The following SLC16A1 variants were observed in gnomAD, a reference collection of about 807,000 sequenced individuals.
SLC16A1 encodes the protein solute carrier family 16 member 1, also known as monocarboxylate transporter 1.
In SLC16A1, 11 loss-of-function variants were observed where a neutral mutation model predicts 32.2. The ratio of observed to expected loss-of-function variants is 0.34; its 90% CI spans 0.21 to 0.56. The LOEUF (loss-of-function observed/expected upper bound fraction) is 0.56, where lower values mean the gene tolerates loss of function less well. Among genes scored for constraint, SLC16A1 ranks in the 20% least tolerant of loss-of-function variants. The pLI, the probability that SLC16A1 is intolerant of heterozygous loss-of-function variation, is 0.87. For synonymous variants in SLC16A1, 231 were observed against 226.8 expected, an observed-to-expected ratio of 1.02 and a Z score of -0.17; for missense variants, 435 against 615.0, an observed-to-expected ratio of 0.71 and a Z score of 3.10.
Position 112,914,095 on chromosome 1 carries a change from T to G in SLC16A1, c.1299A>C (p.Ser433=). ...CCATGCCAATGAAGAGATAGATACC[T>G]GAAATAATTAGGACGACGCCACATG... is the stretch of plus-strand genomic sequence containing the variant. ...YWACGVVLII[S]GIYLFIGMGI... Residue 433 remains serine, a synonymous_variant, in exon 5 of 5, where the codon TCA becomes TCC. Coordinates refer to ENST00000369626, the MANE Select transcript of SLC16A1 (RefSeq NM_003051.4). The G allele has an allele frequency of 2.5e-6, 4 of 1,614,216 alleles. No individual in the cohort carries two copies. The highest frequency in any genetic ancestry group is 2.2e-5 in the South Asian group (2 of 91,086).
intron 1 of SLC16A1, among the ~76,000 whole-genome samples, chr1:112,938,701 C>T (rs1347576715): frequency 6.6e-6 from 1 of 151,940 alleles, no homozygotes; most frequent in Non-Finnish European, 1.5e-5. Context: ...CTTGCTAACT[C>T]GAATGCTTAA....
Position 112,918,049 on chromosome 1 carries a change from G to A in SLC16A1, c.362-5C>T. 1 of 1,414,150 alleles carries A rather than the reference G, an allele frequency of 7.1e-7. No individual in the cohort carries two copies. Among genetic ancestry groups the A allele is most frequent in the East Asian group, 2.5e-5 (1 of 39,732 alleles). The allele number at this position is 1,414,150 out of a possible 1,614,324, so 87.6% of individuals were successfully genotyped here. On this transcript the variant is annotated splice_polypyrimidine_tract_variant and splice_region_variant and intron_variant, in intron 3 of 4. Transcript: ENST00000369626. ...AGTTGAAGGCAAGCCCAAGACCTGT[G>A]AAGACAATAAATAAATAAATAAATA...
intron 1 of SLC16A1, among the ~76,000 whole-genome samples, chr1:112,955,095 C>T (rs1650027784): frequency 6.6e-6 from 1 of 152,072 alleles, no homozygotes; most frequent in East Asian, 1.9e-4. Context: ...TTACTGTTAT[C>T]AGTAGCAGCC....
At chr1:112,914,215 T>C in intron 4 of SLC16A1, 50 bp from the exon 5 acceptor site, 1 of 1,605,938 alleles carries the variant, frequency 6.2e-7, no homozygotes, top group Non-Finnish European at 8.5e-7. Flanking sequence ...TAAACAGTTT[T>C]TTTTTCCCCC....
chr1:112,932,072 A>G (rs1649149621), intron 1 of SLC16A1, among the ~76,000 whole-genome samples: 2 of 152,180 alleles, frequency 1.3e-5, no homozygotes, highest in Admixed American at 1.3e-4. Flanking sequence ...CACTTCAAAT[A>G]CAATTTAGGA....
In SLC16A1 at chr1:112,929,222, G is replaced by A; in HGVS notation, c.87C>T (p.Ser29=). 6.2e-7 allele frequency: 1 copy of A among 1,614,118 alleles called. No individual in the cohort carries two copies. The highest frequency in any genetic ancestry group is 8.5e-7 in the Non-Finnish European group (1 of 1,180,024). ...GWAVVIGAFI[S]IGFSYAFPKS... is the part of the protein sequence containing the mutation. ...TGGGAAATGCATAAGAGAAGCCGAT[G>A]GAAATGAAAGCTCCAATTACCACTG... Residue 29 remains serine (S), a synonymous_variant, in exon 2 of 5, where the codon TCC becomes TCT. Transcript: ENST00000369626.
At chr1:112,920,506 TG>T (rs1419266958) in intron 3 of SLC16A1, among the ~76,000 whole-genome samples, 1 of 151,942 alleles carries the variant, frequency 6.6e-6, no homozygotes, top group African/African-American at 2.4e-5. Flanking sequence ...CTTGGGAGGC[TG>T]CGGCAGGAGA....
Position 112,929,349 on chromosome 1 carries a change from A to T in SLC16A1, c.-41T>A. On this transcript the variant is annotated 5_prime_UTR_variant, in exon 2 of 5. Transcript: ENST00000369626. Reference sequence around the variant, plus strand: ...ATTCCAAAATGCAGGTCAAATCCAAATATCTGAAAGACATAAAATTAAAAT... The same window carrying T: ...ATTCCAAAATGCAGGTCAAATCCAATTATCTGAAAGACATAAAATTAAAAT... 6.6e-7 allele frequency: 1 copy of T among 1,519,268 alleles called. No homozygotes were observed. Among genetic ancestry groups the T allele is most frequent in the Non-Finnish European group, 9.1e-7 (1 of 1,096,534 alleles). The allele number at this position is 1,519,268 out of a possible 1,614,324, so 94.1% of individuals were successfully genotyped here.
intron 4 of SLC16A1, among the ~76,000 whole-genome samples, chr1:112,915,196 A>C (rs543661339): frequency 6.6e-6 from 1 of 152,250 alleles, no homozygotes; most frequent in Non-Finnish European, 1.5e-5. Flanking sequence ...ATGTTAATCA[A>C]GTAACTACAC....
At chr1:112,933,293 A>C (rs1649198493) in intron 1 of SLC16A1, among the ~76,000 whole-genome samples, 1 of 152,032 alleles carries the variant, frequency 6.6e-6, no homozygotes, top group Admixed American at 6.6e-5. Flanking sequence ...CTCTACTAAA[A>C]ATACAAAAAT....
In SLC16A1 at chr1:112,917,705, A is replaced by G. The variant is rs968909762; in HGVS notation, c.701T>C (p.Ile234Thr). The G allele has an allele frequency of 1.5e-5, 25 of 1,614,138 alleles. No individual in the cohort carries two copies. The highest frequency in any genetic ancestry group is 2.2e-5 in the East Asian group (1 of 44,902). The change falls in exon 4 of 5, where the codon ATT (isoleucine) becomes ACT (threonine). Residue 234 changes from isoleucine (I) to threonine (T), a missense_variant. Physicochemically the swap from Ile to Thr is moderately conservative, Grantham distance 89. This residue lies in a region of SLC16A1 where 324 missense variants were observed against 500.3 expected (regional missense o/e 0.65). Coordinates refer to ENST00000369626, the MANE Select transcript of SLC16A1 (RefSeq NM_003051.4). This position sits in a 1 kb window ranked among gnomAD's most constrained non-coding sequence, Gnocchi z 4.1. ...KDLHDANTDL[I>T]GRHPKQEKRS... Reference sequence around the variant, plus strand: ...TTTCTCTTGTTTAGGGTGTCTTCCAATAAGATCTGTATTTGCATCATGCAG... The same window carrying G: ...TTTCTCTTGTTTAGGGTGTCTTCCAGTAAGATCTGTATTTGCATCATGCAG...
Position 112,928,625 on chromosome 1 carries a change from C to T in SLC16A1, c.217+467G>A, listed in dbSNP as rs80141326. The stretch of plus-strand genomic sequence containing the variant: ...AGGACTCATAACATCGCAAGTAATA[C>T]GGAGGAGGTTTTTTCAGTTAATTCT... On this transcript the variant is annotated intron_variant, in intron 2 of 4. Transcript: ENST00000369626. 2.4e-3 allele frequency among the ~76,000 whole-genome samples: 369 copies of T among 152,200 alleles called. 1 individual carries two copies. The highest frequency in any genetic ancestry group is 8.5e-3 in the African/African-American group (353 of 41,506).
chr1:112,948,592 C>T (rs1017780239), intron 1 of SLC16A1, among the ~76,000 whole-genome samples: 1 of 151,704 alleles, frequency 6.6e-6, no homozygotes, highest in African/African-American at 2.4e-5. Flanking sequence ...CAACCTCCGT[C>T]TCCCGGGTTC....
rs776515979 is a variant in SLC16A1, at chr1:112,917,735, T to C, written c.671A>G (p.Lys224Arg). 1.2e-5 allele frequency: 20 copies of C among 1,614,108 alleles called. No individual in the cohort carries two copies. Among genetic ancestry groups the C allele is most frequent in the Non-Finnish European group, 1.6e-5 (19 of 1,180,046 alleles). ...ATCTGTATTTGCATCATGCAGATCT[T>C]TTTTCACACCAGATTTTCCAGCTTT... ...LEKAGKSGVK[K>R]DLHDANTDLI... Residue 224 changes from lysine to arginine, a missense_variant, in exon 4 of 5, where the codon AAA becomes AGA. By Grantham distance (26) the Lys-to-Arg change is conservative. Transcript: ENST00000369626. The surrounding 1 kb of genome is among the most constrained non-coding windows in gnomAD (Gnocchi z 4.1).
intron 2 of SLC16A1, among the ~76,000 whole-genome samples, chr1:112,926,367 G>T (rs1030677762): frequency 3.3e-5 from 5 of 152,142 alleles, no homozygotes; most frequent in African/African-American, 7.2e-5. Flanking sequence ...GAGGCAGGTG[G>T]ATTACCTGAG....
At chr1:112,941,419 T>C (rs888771346) in intron 1 of SLC16A1, among the ~76,000 whole-genome samples, 2 of 151,972 alleles carry the variant, frequency 1.3e-5, no homozygotes, top group Non-Finnish European at 1.5e-5. Flanking sequence ...GTAGCTGGGA[T>C]TACAGGCATG....
intron 1 of SLC16A1, among the ~76,000 whole-genome samples, chr1:112,931,569 C>T (rs540773470): frequency 4.8e-5 from 7 of 146,336 alleles, no homozygotes; most frequent in South Asian, 2.2e-4. Context: ...TCCTTGAACC[C>T]GGGAGGCGGA....
At position 112,914,156 on chromosome 1, in the gene SLC16A1, T is replaced by C. The variant is rs775119744; in HGVS notation, c.1238A>G (p.Asn413Ser). 8 of 1,614,066 alleles carry C rather than the reference T, an allele frequency of 5.0e-6. No individual in the cohort carries two copies. Among genetic ancestry groups the C allele is most frequent in the East Asian group, 2.2e-5 (1 of 44,902 alleles). Residue 413 changes from asparagine to serine, a missense_variant, in exon 5 of 5, where the codon AAT becomes AGT. This residue lies in a region of SLC16A1 where 111 missense variants were observed against 114.7 expected (regional missense o/e 0.97). Coordinates refer to ENST00000369626, the MANE Select transcript of SLC16A1 (RefSeq NM_003051.4). ...GTATTTGTAGTCTCCATACATGTCA[T>C]TGAGCCGACCTAAATATGTAAAACA... ...LLGPPLLGRL[N>S]DMYGDYKYTY...
chr1:112,951,330 G>A (rs1168087160), intron 1 of SLC16A1, among the ~76,000 whole-genome samples: 4 of 150,122 alleles, frequency 2.7e-5, no homozygotes, highest in Admixed American at 6.6e-5. Context: ...GAAATATTAA[G>A]AAGATTCAGA....
Sources: gnomAD v4.1 joint callset for allele counts (sites outside exome capture counted in the v4.1 genomes callset) on GRCh38, gnomAD v4.1.1 for gene constraint, gnomAD v4.1.1 regional missense constraint, Gnocchi (gnomAD v3.1) non-coding constraint, MANE v1.5 for transcripts, NCBI Gene and HGNC (gene_info 2026-07-23, HGNC 2026-07-21) for gene names.